ZRANB1: variants seen among roughly 807,000 people sequenced by gnomAD.
ZRANB1 encodes the protein ubiquitin thioesterase ZRANB1.
ZRANB1 carries 16 observed loss-of-function variants against 80.5 expected under a neutral mutation model. The ratio of observed to expected loss-of-function variants is 0.20; its 90% CI spans 0.13 to 0.30. ZRANB1 has a LOEUF of 0.30. ZRANB1 is among the 10% of genes least tolerant of loss of function. ZRANB1 has a pLI of 1.00. For missense variants in ZRANB1, 576 were observed against 862.6 expected, an observed-to-expected ratio of 0.67 and a Z score of 4.16; for synonymous variants, 291 against 293.1, an observed-to-expected ratio of 0.99 and a Z score of 0.07.
At chr10:124,939,080 G>A (rs1244384609), upstream of ZRANB1, among the ~76,000 whole-genome samples, 1 of 152,140 alleles carries the variant, frequency 6.6e-6, no homozygotes, top group Non-Finnish European at 1.5e-5. Flanking sequence ...TGGAGGCTGA[G>A]GCAGGAGATT....
At chr10:124,982,217 TTCTG>T (rs1243741774) in intron 6 of ZRANB1, among the ~76,000 whole-genome samples, 1 of 152,206 alleles carries the variant, frequency 6.6e-6, no homozygotes, top group Non-Finnish European at 1.5e-5. Flanking sequence ...GTGAGCTCTG[TTCTG>T]TCTCTGGGGA....
chr10:124,944,620 G>T (rs768045256), intron 1 of ZRANB1, among the ~76,000 whole-genome samples: 2 of 151,362 alleles, frequency 1.3e-5, no homozygotes, highest in Non-Finnish European at 2.9e-5. Context: ...CAGTAGCTGG[G>T]ACTCCCCATT....
Position 124,947,553 on chromosome 10 carries a change from G to C in ZRANB1, c.814+4246G>C, listed in dbSNP as rs144726581. ...CTGTAATGTGTATTCCTGAATCCTA[G>C]ACTCATATATCCAGCTGCCTATTCA... is the stretch of plus-strand genomic sequence containing the variant. On this transcript the variant is annotated intron_variant, in intron 1 of 8. Coordinates refer to ENST00000359653, the MANE Select transcript of ZRANB1 (RefSeq NM_017580.3). Among the ~76,000 whole-genome samples the C allele has an allele frequency of 4.6e-5, 7 of 152,250 alleles. No individual in the cohort carries two copies. The East Asian group carries it at 1.4e-3, about 29-fold the overall frequency.
intron 1 of ZRANB1, among the ~76,000 whole-genome samples, chr10:124,949,416 T>C (rs868117358): frequency 7.6e-6 from 1 of 131,828 alleles, no homozygotes; most frequent in Non-Finnish European, 1.5e-5. Flanking sequence ...TGTATACACA[T>C]ATATATGTAT....
At chr10:124,966,991 A>G (rs1168627613) in intron 2 of ZRANB1, among the ~76,000 whole-genome samples, 1 of 152,236 alleles carries the variant, frequency 6.6e-6, no homozygotes, top group East Asian at 1.9e-4. Flanking sequence ...TGTTTGACTC[A>G]TCATGTTTGG....
chr10:124,963,042 G>T (rs1951746331), intron 1 of ZRANB1, among the ~76,000 whole-genome samples: 1 of 152,120 alleles, frequency 6.6e-6, no homozygotes, highest in African/African-American at 2.4e-5. Flanking sequence ...GAGGTGGGTG[G>T]ATCACCTGAG....
At chr10:124,980,462 A>G (rs962590635) in intron 5 of ZRANB1, among the ~76,000 whole-genome samples, 1 of 152,248 alleles carries the variant, frequency 6.6e-6, no homozygotes, top group African/African-American at 2.4e-5. Context: ...TTCTAACTGC[A>G]TATAACTTTC....
chr10:124,919,683 C>T, the ZRANB1 span, among the ~76,000 whole-genome samples: 2 of 148,600 alleles, frequency 1.3e-5, no homozygotes, highest in African/African-American at 2.5e-5. Context: ...GCGATTTCCG[C>T]TCACTGCAAC....
At chr10:124,949,516 CACACACA>C (rs1480572965) in intron 1 of ZRANB1, among the ~76,000 whole-genome samples, 1 of 105,680 alleles carries the variant, frequency 9.5e-6, no homozygotes, top group African/African-American at 2.9e-5. Flanking sequence ...CACACACACA[CACACACA>C]TTTTTTTTTT....
At chr10:124,976,772 A>G (rs1289901157) in intron 5 of ZRANB1, among the ~76,000 whole-genome samples, 1 of 151,658 alleles carries the variant, frequency 6.6e-6, no homozygotes, top group Non-Finnish European at 1.5e-5. Flanking sequence ...GGGTTTCACC[A>G]TGTTGCCCAG....
chr10:124,925,130 G>A, the ZRANB1 span, among the ~76,000 whole-genome samples: 4 of 151,990 alleles, frequency 2.6e-5, no homozygotes, highest in East Asian at 7.7e-4. Context: ...GGCTGGTCTC[G>A]AACTCCTGAC....
rs1952038163 is a variant in ZRANB1, at chr10:124,986,287, GCGCGCACACACACA to G, written c.*1297_*1310del. 2.7e-5 allele frequency: 2 copies of G among 73,094 alleles called. No homozygotes were observed. The highest frequency in any genetic ancestry group is 8.4e-5 in the African/African-American group (2 of 23,764). The allele number at this position is 73,094 out of a possible 1,614,324, so 4.5% of individuals were successfully genotyped here. On this transcript the variant is annotated 3_prime_UTR_variant, in exon 9 of 9. Transcript: ENST00000359653. ...GGAAAGACGACACACGCACGCGCGC[GCGCGCACACACACA>G]CACACACACACACACACACACAGTT...
chr10:124,924,766 T>G, the ZRANB1 span, among the ~76,000 whole-genome samples: 15 of 152,310 alleles, frequency 9.8e-5, no homozygotes, highest in East Asian at 2.9e-3. Flanking sequence ...CTGTGAACAT[T>G]TGTGTACAAG....
intron 1 of ZRANB1, among the ~76,000 whole-genome samples, chr10:124,954,368 C>T (rs1398639539): frequency 6.7e-6 from 1 of 148,432 alleles, no homozygotes; most frequent in Non-Finnish European, 1.5e-5. Flanking sequence ...TAGTTTTGAA[C>T]ATTTAAAACC....
the ZRANB1 span, among the ~76,000 whole-genome samples, chr10:124,918,882 G>A: frequency 5.9e-5 from 9 of 152,176 alleles, no homozygotes; most frequent in African/African-American, 2.2e-4. Context: ...TAGTAGGACA[G>A]TAATGACATT....
chr10:124,944,603 GC>G (rs1951564840), intron 1 of ZRANB1, among the ~76,000 whole-genome samples: 1 of 144,894 alleles, frequency 6.9e-6, no homozygotes, highest in South Asian at 2.2e-4. Flanking sequence ...TGCCATCTCA[GC>G]CTCCCCAGTA....
At chr10:124,927,637 A>G in the ZRANB1 span, among the ~76,000 whole-genome samples, 144 of 152,354 alleles carry the variant, frequency 9.5e-4, 2 homozygotes, top group Non-Finnish European at 4.9e-4. Context: ...GTTTACATGG[A>G]GATACTGTTT....
the ZRANB1 span, among the ~76,000 whole-genome samples, chr10:124,929,837 T>G: frequency 1.3e-5 from 2 of 151,344 alleles, no homozygotes; most frequent in African/African-American, 4.9e-5. Context: ...TCCCAGCTAC[T>G]TAGGAGGCTG....
the ZRANB1 span, among the ~76,000 whole-genome samples, chr10:124,922,418 C>G: frequency 6.7e-6 from 1 of 149,918 alleles, no homozygotes; most frequent in Non-Finnish European, 1.5e-5. Context: ...CTTGACTTCC[C>G]AGGCTCAAGC....
Sources: gnomAD v4.1 joint callset for allele counts (sites outside exome capture counted in the v4.1 genomes callset) on GRCh38, gnomAD v4.1.1 for gene constraint, MANE v1.5 for transcripts, NCBI Gene and HGNC (gene_info 2026-07-23, HGNC 2026-07-21) for gene names.